Variants in FCHSD2 observed in about 807,000 individuals in gnomAD.
FCHSD2 encodes the protein FCH and double SH3 domains 2, also known as F-BAR and double SH3 domains protein 2.
FCHSD2 carries 38 observed loss-of-function variants against 108.1 expected under a neutral mutation model. That is an observed-to-expected ratio of 0.35 (90% CI 0.27 to 0.46). The LOEUF is 0.46. Ranked by LOEUF, FCHSD2 falls within the 20% of genes least tolerant of loss-of-function variation. The pLI is 1.00. For missense variants in FCHSD2, 751 were observed against 897.8 expected (o/e 0.84, Z 2.09); for synonymous variants, 279 against 314.7 (o/e 0.89, Z 1.20).
intron 5 of FCHSD2, 70 bp downstream of exon 5, chr11:73,000,920 T>G: frequency 7.4e-7 from 1 of 1,354,758 alleles, no homozygotes. Context: ...AAATTTAGCA[T>G]AACCTTGCAG....
intron 5 of FCHSD2, among the ~76,000 whole-genome samples, chr11:72,991,609 C>T (rs569004417): frequency 1.5e-3 from 232 of 152,188 alleles, no homozygotes; most frequent in Non-Finnish European, 2.8e-3. Context: ...GTTCAACATA[C>T]GCAAATCAAT....
At position 72,838,226 on chromosome 11, in the gene FCHSD2, A is replaced by C. The variant is rs940215091; in HGVS notation, c.*565T>G. ...ATGTGCGTTAATGCAATTGGTGCTA[A>C]ATTCAGGGCAGTCCAATTTTTCCCA... On this transcript the variant is annotated 3_prime_UTR_variant, in exon 20 of 20. Transcript: ENST00000409418. The C allele has an allele frequency of 6.5e-6, 1 of 152,968 alleles. No individual in the cohort carries two copies. The highest frequency in any genetic ancestry group is 2.4e-5 in the African/African-American group (1 of 41,410). The allele number at this position is 152,968 out of a possible 1,614,324, so 9.5% of individuals were successfully genotyped here.
At chr11:72,899,616 A>C (rs1447960544) in intron 10 of FCHSD2, among the ~76,000 whole-genome samples, 1 of 151,488 alleles carries the variant, frequency 6.6e-6, no homozygotes, top group African/African-American at 2.4e-5. Context: ...AATCAGCTGT[A>C]GTCCCAGTTA....
At chr11:72,940,979 T>A (rs1241340693) in intron 8 of FCHSD2, 2 of 750,980 alleles carry the variant, frequency 2.7e-6, no homozygotes, top group East Asian at 2.5e-5. Flanking sequence ...CACAGGGAGA[T>A]GTGTGGGCTG....
intron 8 of FCHSD2, among the ~76,000 whole-genome samples, chr11:72,967,125 G>A (rs1008117561): frequency 4.6e-5 from 7 of 151,752 alleles, no homozygotes; most frequent in East Asian, 1.9e-4. Flanking sequence ...GCGTGAACCC[G>A]GGAGGCAGAG....
intron 3 of FCHSD2, among the ~76,000 whole-genome samples, chr11:73,081,262 C>G (rs1189657046): frequency 6.6e-6 from 1 of 151,894 alleles, no homozygotes; most frequent in Non-Finnish European, 1.5e-5. Context: ...GGTGAAACCC[C>G]AACTCTACTA....
chr11:72,977,857 T>C (rs1591451168), intron 8 of FCHSD2, among the ~76,000 whole-genome samples: 2 of 152,352 alleles, frequency 1.3e-5, no homozygotes, highest in East Asian at 1.9e-4. Context: ...TGAAGACACA[T>C]GCACATATAT....
rs563098953 is a variant in FCHSD2, at chr11:73,119,289, C to T, written c.119+20742G>A. Among the ~76,000 whole-genome samples, 3 of 146,632 alleles carry T rather than the reference C, an allele frequency of 2.0e-5. No individual in the cohort carries two copies. In the South Asian group the frequency reaches 6.4e-4, roughly 31 times the overall value. ...TTGCATTCCAGCCTGCACAACAGAG[C>T]GAGACTCTGCCTCAAAAAAAAAAAA... On this transcript the variant is annotated intron_variant, in intron 2 of 19. Transcript: ENST00000409418.
chr11:73,113,851 T>C (rs1486124780), intron 2 of FCHSD2, among the ~76,000 whole-genome samples: 3 of 152,220 alleles, frequency 2.0e-5, no homozygotes, highest in Non-Finnish European at 1.5e-5. Context: ...GTAGTGGTAC[T>C]GCCTTAGTGG....
chr11:73,074,604 T>A (rs1053143434), intron 3 of FCHSD2, among the ~76,000 whole-genome samples: 4 of 152,086 alleles, frequency 2.6e-5, no homozygotes, highest in African/African-American at 9.6e-5. Context: ...AGAAAAAAAA[T>A]ATATTTCCTT....
At chr11:73,052,221 T>C (rs1299556812) in intron 3 of FCHSD2, among the ~76,000 whole-genome samples, 1 of 152,208 alleles carries the variant, frequency 6.6e-6, no homozygotes, top group Non-Finnish European at 1.5e-5. Flanking sequence ...TTCTAAACTG[T>C]ACAAATCTAT....
At chr11:72,999,413 G>C (rs374334004) in intron 5 of FCHSD2, among the ~76,000 whole-genome samples, 1 of 148,014 alleles carries the variant, frequency 6.8e-6, no homozygotes, top group East Asian at 2.0e-4. Context: ...TCCACCTCCC[G>C]GGTTCAAGCA....
intron 8 of FCHSD2, among the ~76,000 whole-genome samples, chr11:72,964,102 T>A (rs1033297377): frequency 2.0e-5 from 3 of 152,212 alleles, no homozygotes; most frequent in African/African-American, 7.2e-5. Flanking sequence ...GATAATATAG[T>A]TAATATTATG....
chr11:72,854,494 C>T (rs374946138), intron 13 of FCHSD2, among the ~76,000 whole-genome samples: 3 of 152,300 alleles, frequency 2.0e-5, no homozygotes, highest in East Asian at 1.9e-4. Flanking sequence ...TGCAATGGTG[C>T]GATCATAGCT....
intron 4 of FCHSD2, among the ~76,000 whole-genome samples, chr11:73,010,131 T>C (rs1039759419): frequency 5.9e-5 from 9 of 152,338 alleles, no homozygotes; most frequent in Admixed American, 4.6e-4. Flanking sequence ...GGTTATTTCA[T>C]AGGACCTGTC....
chr11:73,113,805 C>A (rs1047242368), intron 2 of FCHSD2, among the ~76,000 whole-genome samples: 1 of 152,194 alleles, frequency 6.6e-6, no homozygotes, highest in African/African-American at 2.4e-5. Context: ...TTAGGGGGCA[C>A]CCCAAGCCCA....
intron 3 of FCHSD2, among the ~76,000 whole-genome samples, chr11:73,036,798 CAT>C (rs1858509118): frequency 6.6e-6 from 1 of 152,198 alleles, no homozygotes; most frequent in Non-Finnish European, 1.5e-5. Flanking sequence ...TGTGTTCACT[CAT>C]AATTTTTTCC....
intron 2 of FCHSD2, among the ~76,000 whole-genome samples, chr11:73,134,072 A>G (rs929827934): frequency 3.7e-4 from 56 of 151,930 alleles, no homozygotes; most frequent in African/African-American, 1.3e-3. Context: ...AACTTACATG[A>G]TATGTACATT....
intron 9 of FCHSD2, among the ~76,000 whole-genome samples, chr11:72,914,569 C>G (rs1483682448): frequency 6.6e-6 from 1 of 152,078 alleles, no homozygotes; most frequent in Admixed American, 6.6e-5. Flanking sequence ...ATAGAGAACC[C>G]AGAAATAAGA....
Sources: gnomAD v4.1 joint callset for allele counts (sites outside exome capture counted in the v4.1 genomes callset) on GRCh38, gnomAD v4.1.1 for gene constraint, MANE v1.5 for transcripts, NCBI Gene and HGNC (gene_info 2026-07-23, HGNC 2026-07-21) for gene names.